The following FHIT variants were observed in gnomAD, a reference collection of about 807,000 sequenced individuals.
The protein encoded by FHIT is bis(5'-adenosyl)-triphosphatase.
In FHIT, 19 loss-of-function variants were observed where a neutral mutation model predicts 17.9. The ratio of observed to expected loss-of-function variants is 1.06; its 90% CI spans 0.74 to 1.56. The LOEUF (loss-of-function observed/expected upper bound fraction) is 1.56, where lower values mean the gene tolerates loss of function less well. Among genes scored for constraint, FHIT ranks in the 40% most tolerant of loss-of-function variants. The probability of loss-of-function intolerance (pLI) is 0.00; values close to 1 mark genes in which losing one functional copy is unlikely to be tolerated. For missense variants in FHIT, 248 were observed against 189.2 expected, an observed-to-expected ratio of 1.31 and a Z score of -1.82; for synonymous variants, 81 against 69.7, an observed-to-expected ratio of 1.16 and a Z score of -0.81.
chr3:60,072,176 T>C (rs1190608964), intron 5 of FHIT, among the ~76,000 whole-genome samples: 6 of 152,200 alleles, frequency 3.9e-5, no homozygotes, highest in Non-Finnish European at 8.8e-5. Context: ...CAACAGGCAG[T>C]TGCTTGAAGA....
At chr3:61,061,623 G>T (rs7619248) in intron 2 of FHIT, among the ~76,000 whole-genome samples, 2 of 151,772 alleles carry the variant, frequency 1.3e-5, no homozygotes, top group South Asian at 2.1e-4. Flanking sequence ...ACACAGCTCA[G>T]CAATGATGCA....
chr3:60,164,699 C>T lies in FHIT; in HGVS notation c.104-150547G>A, dbSNP rs114730462. Among the ~76,000 whole-genome samples the T allele has an allele frequency of 8.0e-3, 1,219 of 152,222 alleles. 19 individuals are homozygous for T. Among genetic ancestry groups the T allele is most frequent in the African/African-American group, 0.028 (1,176 of 41,550 alleles). On this transcript the variant is annotated intron_variant, in intron 5 of 9. Coordinates refer to ENST00000492590, the MANE Select transcript of FHIT (RefSeq NM_002012.4). ...ATTTGGCCTACAGGTGTGCTCAGTG[C>T]TCTTGATCTGCCTACCACTGGGCTT...
chr3:60,350,988 G>A (rs530765172), intron 5 of FHIT, among the ~76,000 whole-genome samples: 37 of 152,256 alleles, frequency 2.4e-4, no homozygotes, highest in Admixed American at 7.8e-4. Flanking sequence ...TCAACAACCT[G>A]AGGGAGCTTG....
chr3:60,445,377 T>C (rs949777481), intron 5 of FHIT, among the ~76,000 whole-genome samples: 1 of 152,002 alleles, frequency 6.6e-6, no homozygotes, highest in South Asian at 2.1e-4. Flanking sequence ...CAGTGGTCTG[T>C]AGCTTTAAGA....
chr3:60,384,672 T>C (rs1166237954), intron 5 of FHIT, among the ~76,000 whole-genome samples: 2 of 151,816 alleles, frequency 1.3e-5, no homozygotes, highest in African/African-American at 4.8e-5. Context: ...GCCAACCCCA[T>C]TGTGAATCAC....
At chr3:61,184,380 C>A (rs1477566728) in intron 2 of FHIT, among the ~76,000 whole-genome samples, 5 of 152,108 alleles carry the variant, frequency 3.3e-5, no homozygotes, top group African/African-American at 9.7e-5. Context: ...ACTGCACTGA[C>A]TTCCTTGAGA....
chr3:59,903,394 C>G lies in FHIT; in HGVS notation c.348+18952G>C, dbSNP rs368248013. On this transcript the variant is annotated intron_variant, in intron 8 of 9. Coordinates refer to ENST00000492590, the MANE Select transcript of FHIT (RefSeq NM_002012.4). ...ACACAACTCTGAATATACCTGAAATCACTGAATTGTACATTTTAAATGGGT... is the reference window on the plus strand; with the variant it reads ...ACACAACTCTGAATATACCTGAAATGACTGAATTGTACATTTTAAATGGGT... 2.5e-3 allele frequency among the ~76,000 whole-genome samples: 373 copies of G among 152,222 alleles called. 3 individuals carry two copies. The highest frequency in any genetic ancestry group is 8.3e-3 in the African/African-American group (343 of 41,546).
intron 5 of FHIT, among the ~76,000 whole-genome samples, chr3:60,181,224 C>A (rs892666529): frequency 6.7e-6 from 1 of 148,298 alleles, no homozygotes; most frequent in Non-Finnish European, 1.5e-5. Context: ...TGGCTCACTA[C>A]AACCTCTGCC....
At chr3:60,503,586 T>C (rs1174870255) in intron 5 of FHIT, among the ~76,000 whole-genome samples, 2 of 152,144 alleles carry the variant, frequency 1.3e-5, no homozygotes, top group African/African-American at 4.8e-5. Context: ...TAGTGAAAGT[T>C]ATGAAACAAA....
chr3:60,755,376 A>G lies in FHIT; in HGVS notation c.-18+66543T>C, dbSNP rs1373618028. 2.0e-5 allele frequency among the ~76,000 whole-genome samples: 3 copies of G among 152,310 alleles called. No individual in the cohort carries two copies. The East Asian group carries it at 5.8e-4, about 29-fold the overall frequency. ...CAGGTGGGAATGCAGGCCCATAGCT[A>G]CCCGATCTTCCAATGTTTTAAGATA... On this transcript the variant is annotated intron_variant, in intron 4 of 9. Transcript: ENST00000492590.
intron 5 of FHIT, among the ~76,000 whole-genome samples, chr3:60,507,539 C>A (rs915138126): frequency 1.3e-5 from 2 of 152,094 alleles, no homozygotes; most frequent in African/African-American, 4.8e-5. Context: ...GTATTTTAAG[C>A]TCAGGGGTAC....
intron 5 of FHIT, among the ~76,000 whole-genome samples, chr3:60,301,958 GA>G (rs768934068): frequency 6.6e-6 from 1 of 151,270 alleles, no homozygotes; most frequent in African/African-American, 2.4e-5. Flanking sequence ...CTTATAAAAG[GA>G]AAAAAAAGTT....
chr3:59,772,653 C>CA lies in FHIT; in HGVS notation c.349-20333dup, dbSNP rs556616459. Among the ~76,000 whole-genome samples the CA allele has an allele frequency of 6.3e-4, 96 of 152,206 alleles. No individual in the cohort carries two copies. In the South Asian group the frequency reaches 7.7e-3, roughly 12 times the overall value. ...TGCCTCTTCAGGAGAGGCAATGCCA[C>CA]AAAAAATGTCTAAAATTATCCTAAC... On this transcript the variant is annotated intron_variant, in intron 8 of 9. Coordinates refer to ENST00000492590, the MANE Select transcript of FHIT (RefSeq NM_002012.4).
intron 4 of FHIT, among the ~76,000 whole-genome samples, chr3:60,773,510 AG>A (rs781785166): frequency 1.6e-4 from 24 of 152,206 alleles, no homozygotes; most frequent in Non-Finnish European, 3.1e-4. Context: ...ACAATTTATG[AG>A]CCATTACAGA....
chr3:59,821,591 T>C (rs886970371), intron 8 of FHIT, among the ~76,000 whole-genome samples: 14 of 152,118 alleles, frequency 9.2e-5, no homozygotes, highest in African/African-American at 3.1e-4. Flanking sequence ...CAGTGCCTGG[T>C]AGTGTAAACA....
At chr3:60,600,410 C>G (rs1253088690) in intron 4 of FHIT, among the ~76,000 whole-genome samples, 17 of 151,962 alleles carry the variant, frequency 1.1e-4, no homozygotes, top group African/African-American at 4.1e-4. Flanking sequence ...TAGAGTAAGG[C>G]AGGATTACAG....
chr3:60,320,806 ATAT>A (rs1381843568), intron 5 of FHIT, among the ~76,000 whole-genome samples: 2 of 152,210 alleles, frequency 1.3e-5, no homozygotes, highest in African/African-American at 4.8e-5. Context: ...ATGGAGGAAC[ATAT>A]TAATATTTTA....
At position 60,084,412 on chromosome 3, in the gene FHIT, A is replaced by T. The variant is rs75077067; in HGVS notation, c.104-70260T>A. Among the ~76,000 whole-genome samples the T allele has an allele frequency of 0.01, 1,535 of 152,284 alleles. 52 individuals are homozygous for T. In the East Asian group the frequency reaches 0.12, roughly 11 times the overall value. The stretch of plus-strand genomic sequence containing the variant: ...AAGCAATCACTCATTCGTTCACTCT[A>T]CACATATAATAGGCATCCACTTTGG... On this transcript the variant is annotated intron_variant, in intron 5 of 9. Transcript: ENST00000492590.
intron 5 of FHIT, among the ~76,000 whole-genome samples, chr3:60,373,308 T>G (rs1220230512): frequency 6.6e-6 from 1 of 152,104 alleles, no homozygotes; most frequent in African/African-American, 2.4e-5. Flanking sequence ...GAAAGTGACG[T>G]TGAAGCTAAG....
Sources: gnomAD v4.1 joint callset for allele counts (sites outside exome capture counted in the v4.1 genomes callset) on GRCh38, gnomAD v4.1.1 for gene constraint, MANE v1.5 for transcripts, NCBI Gene and HGNC (gene_info 2026-07-23, HGNC 2026-07-21) for gene names.